Variants in ABCB11 observed in about 807,000 individuals in gnomAD.
The protein encoded by ABCB11 is ATP binding cassette subfamily B member 11.
A neutral mutation model predicts 148.0 loss-of-function variants in ABCB11; 95 were observed. The ratio of observed to expected loss-of-function variants is 0.64; its 90% CI spans 0.54 to 0.76. ABCB11 has a LOEUF of 0.76. Among genes scored for constraint, ABCB11 ranks in the 30% least tolerant of loss-of-function variants. The pLI is 0.00. For synonymous variants in ABCB11, 591 were observed against 555.4 expected, an observed-to-expected ratio of 1.06 and a Z score of -0.90; for missense variants, 1,523 against 1,617.8, an observed-to-expected ratio of 0.94 and a Z score of 1.01.
chr2:169,011,568 T>G (rs1217457819), intron 5 of ABCB11, among the ~76,000 whole-genome samples: 1 of 152,204 alleles, frequency 6.6e-6, no homozygotes, highest in Non-Finnish European at 1.5e-5. Flanking sequence ...TTGTATATTA[T>G]CCTGTGTTTT....
intron 3 of ABCB11, among the ~76,000 whole-genome samples, chr2:169,015,925 G>A (rs1190423561): frequency 6.6e-6 from 1 of 152,116 alleles, no homozygotes; most frequent in Admixed American, 6.5e-5. Flanking sequence ...TGAATTAATG[G>A]AGTGAATGTG....
intron 5 of ABCB11, among the ~76,000 whole-genome samples, chr2:169,012,648 G>A (rs1695220621): frequency 6.7e-6 from 1 of 150,348 alleles, no homozygotes; most frequent in Non-Finnish European, 1.5e-5. Context: ...GCTGAGTCAT[G>A]AGAATCACTT....
At chr2:169,018,526 C>T (rs1695433545) in intron 1 of ABCB11, among the ~76,000 whole-genome samples, 1 of 152,172 alleles carries the variant, frequency 6.6e-6, no homozygotes, top group African/African-American at 2.4e-5. Flanking sequence ...GGCAAACCAA[C>T]TGGTGATATT....
chr2:168,971,735 C>T (rs1693584344), intron 14 of ABCB11, 112 bp downstream of exon 14: 6 of 1,025,602 alleles, frequency 5.9e-6, no homozygotes, highest in South Asian at 1.6e-5. Context: ...TAAAACATGG[C>T]TTAAGAATTT....
chr2:169,013,244 T>TA (rs1329197206), intron 5 of ABCB11, 28 bp downstream of exon 5: 1 of 1,545,840 alleles, frequency 6.5e-7, no homozygotes, highest in Non-Finnish European at 8.8e-7. Flanking sequence ...AGCAAAAAAG[T>TA]AAAAAATTAA....
At chr2:169,017,820 A>T in intron 2 of ABCB11, 1 of 679,092 alleles carries the variant, frequency 1.5e-6, no homozygotes. Context: ...GGTGTTGGTG[A>T]GAGATGCTTT....
intron 21 of ABCB11, among the ~76,000 whole-genome samples, chr2:168,943,377 T>C (rs1022757341): frequency 1.2e-4 from 18 of 151,990 alleles, no homozygotes; most frequent in African/African-American, 4.1e-4. Context: ...TAATCAAGGA[T>C]GTGGCAAGCT....
intron 21 of ABCB11, 141 bp downstream of exon 21, chr2:168,944,464 A>G: frequency 1.1e-6 from 1 of 882,432 alleles, no homozygotes; most frequent in Non-Finnish European, 1.7e-6. Flanking sequence ...CAGTGTTAGA[A>G]GCAGTGGAAA....
chr2:168,951,901 C>T (rs73018715), intron 19 of ABCB11, among the ~76,000 whole-genome samples: 1,707 of 151,314 alleles, frequency 0.011, 40 homozygotes, highest in African/African-American at 0.039. Context: ...TTTATTATGT[C>T]GAAGTATGTT....
At chr2:168,977,740 C>G (rs1318067480) in intron 11 of ABCB11, among the ~76,000 whole-genome samples, 1 of 152,158 alleles carries the variant, frequency 6.6e-6, no homozygotes, top group East Asian at 1.9e-4. Flanking sequence ...AAAGGGGAAG[C>G]AAAGCATGTC....
intron 19 of ABCB11, among the ~76,000 whole-genome samples, chr2:168,953,009 T>G (rs1692637204): frequency 6.6e-6 from 1 of 151,738 alleles, no homozygotes; most frequent in African/African-American, 2.4e-5. Context: ...TGTATTTGTA[T>G]AGTTTCCAAA....
chr2:169,028,528 C>T (rs746992458), intron 1 of ABCB11, among the ~76,000 whole-genome samples: 1 of 152,014 alleles, frequency 6.6e-6, no homozygotes, highest in Non-Finnish European at 1.5e-5. Context: ...ACAGGGCAGC[C>T]GGGTCCAAGG....
intron 18 of ABCB11, among the ~76,000 whole-genome samples, chr2:168,963,452 C>G (rs1007643875): frequency 4.6e-5 from 7 of 151,648 alleles, no homozygotes; most frequent in African/African-American, 1.7e-4. Flanking sequence ...AGTATCAGGG[C>G]TGACATGTAA....
chr2:169,025,350 T>C (rs1377604815), intron 1 of ABCB11, among the ~76,000 whole-genome samples: 1 of 152,188 alleles, frequency 6.6e-6, no homozygotes, highest in Non-Finnish European at 1.5e-5. Context: ...CCATCTTTCA[T>C]GTCAGGAAGT....
intron 13 of ABCB11, among the ~76,000 whole-genome samples, chr2:168,972,875 T>C (rs1036224652): frequency 6.6e-6 from 1 of 152,076 alleles, no homozygotes; most frequent in African/African-American, 2.4e-5. Context: ...ACCTGATGAA[T>C]GACCCTAGAC....
intron 5 of ABCB11, among the ~76,000 whole-genome samples, chr2:169,011,186 C>G (rs558262331): frequency 1.1e-4 from 16 of 152,248 alleles, no homozygotes; most frequent in Admixed American, 9.2e-4. Context: ...ACATTTATTT[C>G]CAAATTTTAA....
intron 9 of ABCB11, among the ~76,000 whole-genome samples, chr2:168,988,729 G>A (rs1322216547): frequency 6.6e-6 from 1 of 152,040 alleles, no homozygotes; most frequent in Non-Finnish European, 1.5e-5. Context: ...CACCAAAAGC[G>A]ATCCGTGTAA....
chr2:168,962,943 C>A (rs1432913737), intron 18 of ABCB11, among the ~76,000 whole-genome samples: 1 of 151,706 alleles, frequency 6.6e-6, no homozygotes, highest in Non-Finnish European at 1.5e-5. Context: ...GAAATTGAGA[C>A]CTCTGTTTAT....
intron 1 of ABCB11, among the ~76,000 whole-genome samples, chr2:169,027,534 C>T (rs888965584): frequency 5.9e-5 from 9 of 152,186 alleles, no homozygotes; most frequent in African/African-American, 2.2e-4. Flanking sequence ...CTATCTTACA[C>T]TCTAACAACA....
Sources: allele counts gnomAD v4.1 joint callset (sites outside exome capture counted in the v4.1 genomes callset), GRCh38; gene constraint gnomAD v4.1.1; transcripts MANE v1.5; gene names NCBI Gene and HGNC (gene_info 2026-07-23, HGNC 2026-07-21).